The following SLC44A5 variants were observed in gnomAD, a reference collection of about 807,000 sequenced individuals.
The protein encoded by SLC44A5 is solute carrier family 44 member 5.
SLC44A5 carries 57 observed loss-of-function variants against 101.8 expected under a neutral mutation model. That is an observed-to-expected ratio of 0.56 (90% CI 0.45 to 0.70). The LOEUF (loss-of-function observed/expected upper bound fraction) is 0.70, where lower values mean the gene tolerates loss of function less well. Ranked by LOEUF, SLC44A5 falls within the 30% of genes least tolerant of loss-of-function variation. The pLI, the probability that SLC44A5 is intolerant of heterozygous loss-of-function variation, is 0.00. For missense variants in SLC44A5, 737 were observed against 853.1 expected, an observed-to-expected ratio of 0.86 and a Z score of 1.70; for synonymous variants, 281 against 290.9, an observed-to-expected ratio of 0.97 and a Z score of 0.35.
intron 2 of SLC44A5, among the ~76,000 whole-genome samples, chr1:75,523,305 A>G (rs987304050): frequency 6.6e-6 from 1 of 152,090 alleles, no homozygotes; most frequent in Non-Finnish European, 1.5e-5. Flanking sequence ...ACTTTTGTTC[A>G]TATAATCTTG....
At chr1:75,241,763 T>A (rs1392663242) in intron 9 of SLC44A5, among the ~76,000 whole-genome samples, 1 of 152,076 alleles carries the variant, frequency 6.6e-6, no homozygotes, top group African/African-American at 2.4e-5. Context: ...CAACATTCAA[T>A]CTTTTTCTTG....
the SLC44A5 span, among the ~76,000 whole-genome samples, chr1:75,716,746 T>C: frequency 2.6e-5 from 4 of 152,220 alleles, no homozygotes; most frequent in East Asian, 7.7e-4. Context: ...AAAGAAAATA[T>C]GGTGGCCGGG....
At chr1:75,405,558 A>G (rs1051939711) in intron 2 of SLC44A5, among the ~76,000 whole-genome samples, 1 of 152,238 alleles carries the variant, frequency 6.6e-6, no homozygotes, top group Non-Finnish European at 1.5e-5. Flanking sequence ...AAACTCACTC[A>G]AAACCATACA....
chr1:75,430,427 T>C (rs1664550895), intron 2 of SLC44A5, among the ~76,000 whole-genome samples: 1 of 152,196 alleles, frequency 6.6e-6, no homozygotes, highest in Non-Finnish European at 1.5e-5. Flanking sequence ...GGTATTTTGT[T>C]ATAGAAGCGC....
intron 6 of SLC44A5, among the ~76,000 whole-genome samples, chr1:75,260,042 A>C (rs573097629): frequency 1.7e-3 from 259 of 152,296 alleles, no homozygotes; most frequent in African/African-American, 5.8e-3. Flanking sequence ...TAAACATGGA[A>C]AGGAACAACC....
At chr1:75,589,235 AG>A (rs1362169158) in intron 1 of SLC44A5, among the ~76,000 whole-genome samples, 4 of 152,210 alleles carry the variant, frequency 2.6e-5, no homozygotes, top group Non-Finnish European at 5.9e-5. Context: ...TTGGACTAAA[AG>A]CCAGATCTGA....
intron 2 of SLC44A5, among the ~76,000 whole-genome samples, chr1:75,446,820 C>T (rs997670934): frequency 2.0e-5 from 3 of 151,882 alleles, no homozygotes; most frequent in African/African-American, 7.3e-5. Flanking sequence ...GATCCTGTAC[C>T]CTCTAAAATC....
chr1:75,497,106 A>C (rs1266376183), intron 2 of SLC44A5, among the ~76,000 whole-genome samples: 1 of 152,160 alleles, frequency 6.6e-6, no homozygotes, highest in Non-Finnish European at 1.5e-5. Flanking sequence ...GTACTGCTAT[A>C]TATACGATCC....
intron 2 of SLC44A5, among the ~76,000 whole-genome samples, chr1:75,433,408 C>A (rs1664719772): frequency 6.6e-6 from 1 of 152,074 alleles, no homozygotes; most frequent in African/African-American, 2.4e-5. Context: ...TATTGCTAAC[C>A]AGCCCTCATT....
chr1:75,337,435 A>G (rs74094249), intron 4 of SLC44A5, among the ~76,000 whole-genome samples: 1,655 of 152,300 alleles, frequency 0.011, 37 homozygotes, highest in African/African-American at 0.038. Flanking sequence ...TTATGAGATG[A>G]ATTTCTCATG....
chr1:75,215,561 ATAAAG>A (rs111809805), intron 19 of SLC44A5, among the ~76,000 whole-genome samples, 188 bp downstream of exon 19: 53 of 152,222 alleles, frequency 3.5e-4, no homozygotes, highest in African/African-American at 1.3e-3. Context: ...GAAGGTAATA[ATAAAG>A]TATAGTTCAG....
intron 4 of SLC44A5, 32 bp from the exon 5 acceptor site, chr1:75,300,717 A>G: frequency 6.8e-7 from 1 of 1,470,616 alleles, no homozygotes; most frequent in Non-Finnish European, 9.2e-7. Flanking sequence ...AATAATTAAA[A>G]GAGGTCCCAA....
Position 75,543,887 on chromosome 1 carries a change from T to C in SLC44A5, c.-69-2371A>G, listed in dbSNP as rs183051913. 5.0e-4 allele frequency among the ~76,000 whole-genome samples: 76 copies of C among 152,104 alleles called. 1 individual carries two copies. The highest frequency in any genetic ancestry group is 1.8e-3 in the African/African-American group (75 of 41,528). ...TGGGATCCACACTTCATTTTGGCAA[T>C]GTCAAATGCTTTCTATTCTGTGATG... On this transcript the variant is annotated intron_variant, in intron 1 of 23. Coordinates refer to ENST00000370859, the MANE Select transcript of SLC44A5 (RefSeq NM_001130058.2).
At chr1:75,504,590 T>C (rs528903304) in intron 2 of SLC44A5, among the ~76,000 whole-genome samples, 1 of 152,286 alleles carries the variant, frequency 6.6e-6, no homozygotes, top group Non-Finnish European at 1.5e-5. Flanking sequence ...CATAGATATA[T>C]ACCTTTTCTT....
intron 2 of SLC44A5, among the ~76,000 whole-genome samples, chr1:75,493,653 G>A (rs1323360412): frequency 2.0e-5 from 3 of 152,032 alleles, no homozygotes; most frequent in African/African-American, 7.2e-5. Context: ...ACTATACCTA[G>A]CTAAACTGTC....
chr1:75,364,561 T>C (rs1244166451), intron 3 of SLC44A5, among the ~76,000 whole-genome samples: 2 of 152,184 alleles, frequency 1.3e-5, no homozygotes. Context: ...AATTAAAACA[T>C]GAGATTTTGG....
At chr1:75,242,803 T>A (rs1009969240) in intron 8 of SLC44A5, 83 bp downstream of exon 8, 20 of 1,444,066 alleles carry the variant, frequency 1.4e-5, no homozygotes, top group Non-Finnish European at 1.9e-5. Context: ...TGGGAGCTTG[T>A]TCAGTAACAA....
At chr1:75,534,958 A>G (rs952201332) in intron 2 of SLC44A5, among the ~76,000 whole-genome samples, 4 of 152,202 alleles carry the variant, frequency 2.6e-5, no homozygotes, top group African/African-American at 4.8e-5. Context: ...AAATATTAAA[A>G]TCACCTCTAT....
chr1:75,203,595 C>A lies in SLC44A5; in HGVS notation c.*132G>T. ...GTACAGTATAAGCTTTGGTATAAAA[C>A]ATGCAAATGCAAGCCAACAAGGTCG... On this transcript the variant is annotated 3_prime_UTR_variant, in exon 24 of 24. Coordinates refer to ENST00000370859, the MANE Select transcript of SLC44A5 (RefSeq NM_001130058.2). 9.2e-7 allele frequency: 1 copy of A among 1,084,726 alleles called. No homozygotes were observed. Among genetic ancestry groups the A allele is most frequent in the Non-Finnish European group, 1.3e-6 (1 of 785,942 alleles). The allele number at this position is 1,084,726 out of a possible 1,614,324, so 67.2% of individuals were successfully genotyped here.
Sources: allele counts gnomAD v4.1 joint callset (sites outside exome capture counted in the v4.1 genomes callset), GRCh38; gene constraint gnomAD v4.1.1; transcripts MANE v1.5; gene names NCBI Gene and HGNC (gene_info 2026-07-23, HGNC 2026-07-21).